Variants in PEPD observed in about 807,000 individuals in gnomAD.
PEPD encodes the protein xaa-Pro dipeptidase.
PEPD carries 53 observed loss-of-function variants against 60.7 expected under a neutral mutation model. The ratio of observed to expected loss-of-function variants is 0.87; its 90% CI spans 0.70 to 1.10. PEPD has a LOEUF of 1.10. Among genes scored for constraint, PEPD ranks in the 50% least tolerant of loss-of-function variants. The pLI is 0.00. For synonymous variants in PEPD, 267 were observed against 284.1 expected (o/e 0.94, Z 0.60); for missense variants, 711 against 711.9 (o/e 1.00, Z 0.01).
chr19:33,502,428 A>T (rs1406588290), intron 3 of PEPD, among the ~76,000 whole-genome samples: 1 of 152,120 alleles, frequency 6.6e-6, no homozygotes, highest in African/African-American at 2.4e-5. Flanking sequence ...GGGCTTTTTC[A>T]TGCTGACTTC....
intron 10 of PEPD, among the ~76,000 whole-genome samples, chr19:33,412,197 A>T (rs964547599): frequency 4.6e-5 from 7 of 152,208 alleles, no homozygotes; most frequent in Non-Finnish European, 7.3e-5. Flanking sequence ...TGCAAAAAAA[A>T]TTAGCTGGGT....
chr19:33,502,958 G>C (rs1970738608), intron 3 of PEPD, among the ~76,000 whole-genome samples: 1 of 140,838 alleles, frequency 7.1e-6, no homozygotes, highest in East Asian at 2.2e-4. Context: ...GGGGCGGGGG[G>C]GGGTGTTGTG....
chr19:33,393,602 G>A (rs554939444), intron 12 of PEPD, among the ~76,000 whole-genome samples: 3 of 149,108 alleles, frequency 2.0e-5, no homozygotes, highest in South Asian at 4.2e-4. Context: ...TGCTCTCAGA[G>A]CCTCTGTGTC....
rs1224837542 is a variant in PEPD, at chr19:33,387,743, T to A, written c.1344+147A>T. On this transcript the variant is annotated intron_variant, in intron 14 of 14. Transcript: ENST00000244137. ...GTTCCTACTGAGGGGTGAGGCTCCA[T>A]CCTGTGACAGACCACACGAAGGGGC... The A allele has an allele frequency of 3.8e-6, 3 of 796,138 alleles. No homozygotes were observed. In the African/African-American group the frequency reaches 5.1e-5, roughly 14 times the overall value. The allele number at this position is 796,138 out of a possible 1,614,324, so 49.3% of individuals were successfully genotyped here.
chr19:33,399,069 C>G (rs1339821805), intron 12 of PEPD, among the ~76,000 whole-genome samples: 1 of 152,140 alleles, frequency 6.6e-6, no homozygotes, highest in African/African-American at 2.4e-5. Flanking sequence ...CTGCAACCTC[C>G]GCCTCCTAGG....
intron 7 of PEPD, among the ~76,000 whole-genome samples, chr19:33,466,360 G>A (rs568440036): frequency 6.6e-6 from 1 of 152,312 alleles, no homozygotes; most frequent in Non-Finnish European, 1.5e-5. Flanking sequence ...GTAACCCAGT[G>A]ATCAGTCTTA....
intron 5 of PEPD, among the ~76,000 whole-genome samples, 188 bp downstream of exon 5, chr19:33,493,102 C>T (rs760650347): frequency 3.3e-5 from 5 of 152,208 alleles, no homozygotes; most frequent in Non-Finnish European, 5.9e-5. Flanking sequence ...GCCTGGAACT[C>T]CTGGCTCCAA....
At position 33,521,761 on chromosome 19, in the gene PEPD, G is replaced by T; in HGVS notation, c.-1C>A. On this transcript the variant is annotated 5_prime_UTR_variant, in exon 1 of 15. Coordinates refer to ENST00000244137, the MANE Select transcript of PEPD (RefSeq NM_000285.4). ...GCACTCACCCGGTGGCCGCCGCCAT[G>T]TTCGCCCGGCACCGGCGTCACGTGA... 6.3e-7 allele frequency: 1 copy of T among 1,577,742 alleles called. No individual in the cohort carries two copies. The highest frequency in any genetic ancestry group is 8.6e-7 in the Non-Finnish European group (1 of 1,167,132).
chr19:33,434,797 A>G (rs1206903351), intron 9 of PEPD, among the ~76,000 whole-genome samples: 1 of 152,016 alleles, frequency 6.6e-6, no homozygotes, highest in Non-Finnish European at 1.5e-5. Flanking sequence ...GAACCCAGCC[A>G]GGTGGAGCAG....
intron 7 of PEPD, among the ~76,000 whole-genome samples, chr19:33,470,374 G>A (rs1273407424): frequency 6.6e-6 from 1 of 152,010 alleles, no homozygotes; most frequent in Non-Finnish European, 1.5e-5. Flanking sequence ...TCACGTAGGT[G>A]CAGGCCATCT....
chr19:33,509,607 G>A (rs1970882809), intron 3 of PEPD, among the ~76,000 whole-genome samples: 1 of 152,194 alleles, frequency 6.6e-6, no homozygotes, highest in Non-Finnish European at 1.5e-5. Context: ...GGCAGCCAGG[G>A]GCCTTGTCAC....
intron 9 of PEPD, among the ~76,000 whole-genome samples, chr19:33,454,908 TC>T (rs1203745764): frequency 1.3e-5 from 2 of 152,156 alleles, no homozygotes; most frequent in South Asian, 4.1e-4. Context: ...GTGCTCTCCT[TC>T]CCAGTAACTC....
intron 6 of PEPD, among the ~76,000 whole-genome samples, chr19:33,483,527 T>C (rs1195791949): frequency 1.3e-5 from 2 of 152,136 alleles, no homozygotes; most frequent in Non-Finnish European, 2.9e-5. Flanking sequence ...ACCTGCTCCT[T>C]AGCCAGGTGT....
chr19:33,412,946 A>G (rs1165736250), intron 10 of PEPD, among the ~76,000 whole-genome samples: 1 of 152,216 alleles, frequency 6.6e-6, no homozygotes, highest in Non-Finnish European at 1.5e-5. Context: ...CAGCATGGCA[A>G]TGATCCCATA....
intron 6 of PEPD, among the ~76,000 whole-genome samples, chr19:33,481,430 G>A (rs931980117): frequency 2.0e-5 from 3 of 152,058 alleles, no homozygotes; most frequent in Admixed American, 6.5e-5. Flanking sequence ...GCCGGGCGTG[G>A]TGGCTTGTGC....
intron 9 of PEPD, among the ~76,000 whole-genome samples, chr19:33,427,505 C>T (rs1178919968): frequency 1.3e-5 from 2 of 152,218 alleles, no homozygotes; most frequent in Admixed American, 1.3e-4. Context: ...TTGCTGCTGA[C>T]ATCCCAGAGA....
chr19:33,453,622 C>T (rs1035888422), intron 9 of PEPD, among the ~76,000 whole-genome samples: 7 of 152,310 alleles, frequency 4.6e-5, no homozygotes, highest in Admixed American at 4.6e-4. Flanking sequence ...TAAGAGACTA[C>T]AGTATACTGC....
At chr19:33,426,226 A>G (rs1969144889) in intron 9 of PEPD, among the ~76,000 whole-genome samples, 1 of 152,166 alleles carries the variant, frequency 6.6e-6, no homozygotes, top group Non-Finnish European at 1.5e-5. Context: ...CACCTTGTAG[A>G]GTGAGGACAG....
intron 9 of PEPD, among the ~76,000 whole-genome samples, chr19:33,437,100 G>C (rs17760952): frequency 0.11 from 17,184 of 151,972 alleles, 1,019 homozygotes; most frequent in Middle Eastern, 0.16. Flanking sequence ...ACAAGTGGGG[G>C]TCTCTGAGAA....
Sources: allele counts gnomAD v4.1 joint callset (sites outside exome capture counted in the v4.1 genomes callset), GRCh38; gene constraint gnomAD v4.1.1; transcripts MANE v1.5; gene names NCBI Gene and HGNC (gene_info 2026-07-23, HGNC 2026-07-21).